The following CD1A variants were observed in gnomAD, a reference collection of about 807,000 sequenced individuals.
The protein encoded by CD1A is CD1a molecule.
CD1A carries 50 observed loss-of-function variants against 38.3 expected under a neutral mutation model. The observed-to-expected ratio is 1.30, with a 90% CI of 1.04 to 1.65. CD1A has a LOEUF of 1.65. CD1A is among the 40% of genes most tolerant of loss of function. The probability of loss-of-function intolerance (pLI) is 0.00; values close to 1 mark genes in which losing one functional copy is unlikely to be tolerated. For synonymous variants in CD1A, 160 were observed against 150.8 expected, an observed-to-expected ratio of 1.06 and a Z score of -0.45; for missense variants, 459 against 406.1, an observed-to-expected ratio of 1.13 and a Z score of -1.12.
At chr1:158,255,962 T>A in intron 2 of CD1A, 42 bp from the exon 3 acceptor site, 1 of 1,566,688 alleles carries the variant, frequency 6.4e-7, no homozygotes, top group Admixed American at 1.8e-5. Context: ...TCATTTCATT[T>A]TATATTTTTT....
chr1:158,251,917 C>T (rs1650097750), upstream of CD1A, among the ~76,000 whole-genome samples: 2 of 151,682 alleles, frequency 1.3e-5, no homozygotes, highest in African/African-American at 2.4e-5. Context: ...AGTGCAGTGG[C>T]GCGATCTCGG....
intron 4 of CD1A, 131 bp from the exon 5 acceptor site, chr1:158,257,290 A>G (rs1650293465): frequency 1.0e-6 from 1 of 964,548 alleles, no homozygotes; most frequent in African/African-American, 1.6e-5. Context: ...AGAAAAACAT[A>G]GAAAAAAAGG....
chr1:158,253,061 C>T (rs906525368), upstream of CD1A, among the ~76,000 whole-genome samples: 20 of 152,108 alleles, frequency 1.3e-4, no homozygotes, highest in African/African-American at 4.8e-4. Flanking sequence ...TATTCCACTG[C>T]ACTCCAGCCT....
In CD1A at chr1:158,257,450, T is replaced by C. The variant is rs1650299008; in HGVS notation, c.913T>C (p.Leu305=). The change falls in exon 5 of 6, where the codon TTG becomes CTG. Residue 305 remains leucine (L), a synonymous_variant. Coordinates refer to ENST00000289429, the MANE Select transcript of CD1A (RefSeq NM_001763.3). The part of the protein sequence containing the change: ...EHHSSVGFII[L]AVIVPLLLLI... ...TCACAGTTCCGTGGGCTTCATCATC[T>C]TGGCGGTGATAGTGCCTTTACTTCT... is the stretch of plus-strand genomic sequence containing the variant. 1 of 1,614,192 alleles carries C rather than the reference T, an allele frequency of 6.2e-7. No homozygotes were observed. The highest frequency in any genetic ancestry group is 8.5e-7 in the Non-Finnish European group (1 of 1,179,998).
chr1:158,255,180 T>C lies in CD1A; in HGVS notation c.155T>C (p.Leu52Ser). The C allele has an allele frequency of 6.2e-7, 1 of 1,614,202 alleles. No homozygotes were observed. The highest frequency in any genetic ancestry group is 8.5e-7 in the Non-Finnish European group (1 of 1,180,040). Residue 52 changes from leucine (L) to serine (S), a missense_variant, in exon 2 of 6, where the codon TTG becomes TCG. By Grantham distance (145) the Leu-to-Ser change is moderately radical (BLOSUM62 -2). Coordinates refer to ENST00000289429, the MANE Select transcript of CD1A (RefSeq NM_001763.3). ...CTGGTCTCAGGTTGGCTGAGTGATTTGCAGACTCATACCTGGGACAGCAAT... is the reference window on the plus strand; with the variant it reads ...CTGGTCTCAGGTTGGCTGAGTGATTCGCAGACTCATACCTGGGACAGCAAT... Reference protein sequence around the residue: ...QNLVSGWLSDLQTHTWDSNSS... With the variant: ...QNLVSGWLSDSQTHTWDSNSS...
chr1:158,257,765 C>T lies in CD1A; in HGVS notation c.*75C>T. On this transcript the variant is annotated 3_prime_UTR_variant, in exon 6 of 6. Transcript: ENST00000289429. The stretch of plus-strand genomic sequence containing the variant: ...CAGCAGCCCAAGGGCTCCAGACACA[C>T]CTGAACACATCGTGATGATGACGTC... The T allele has an allele frequency of 7.8e-7, 1 of 1,277,472 alleles. No homozygotes were observed. The allele number at this position is 1,277,472 out of a possible 1,614,324, so 79.1% of individuals were successfully genotyped here.
At position 158,255,328 on chromosome 1, in the gene CD1A, C is replaced by G. The variant is rs147750753; in HGVS notation, c.303C>G (p.Tyr101Ter). The change falls in exon 2 of 6, where the codon TAC becomes TAG. Residue 101 changes from tyrosine (Y) to a stop codon, truncating the protein, a stop_gained. Transcript: ENST00000289429. LOFTEE classifies it high-confidence loss of function. ...TIRSFEGIRR[Y>*]AHELQFEYPF... ...GGTCATTTGAGGGAATTCGTAGATA[C>G]GCCCATGAATTGCAGTTTGAATGTG... 4 of 1,613,912 alleles carry G rather than the reference C, an allele frequency of 2.5e-6. No homozygotes were observed. Among genetic ancestry groups the G allele is most frequent in the Non-Finnish European group, 3.4e-6 (4 of 1,179,932 alleles).
intron 1 of CD1A, 80 bp downstream of exon 1, chr1:158,254,807 G>A: frequency 1.2e-6 from 1 of 852,394 alleles, no homozygotes; most frequent in Non-Finnish European, 2.0e-6. Context: ...GTGTGTGTGT[G>A]TGTGTGTGTG....
At chr1:158,251,761 C>T (rs186865929), upstream of CD1A, among the ~76,000 whole-genome samples, 775 of 152,190 alleles carry the variant, frequency 5.1e-3, 6 homozygotes, top group African/African-American at 0.018. Context: ...GATGTTTTCT[C>T]GTTCTTTCCC....
At chr1:158,255,397 G>C in intron 2 of CD1A, 47 bp downstream of exon 2, 1 of 1,583,084 alleles carries the variant, frequency 6.3e-7, no homozygotes, top group Non-Finnish European at 8.6e-7. Flanking sequence ...GGAGAGAGGG[G>C]TTGTCTCAAT....
At position 158,257,309 on chromosome 1, in the gene CD1A, A is replaced by C. The variant is rs1028218010; in HGVS notation, c.884-112A>C. 7 of 978,196 alleles carry C rather than the reference A, an allele frequency of 7.2e-6. No individual in the cohort carries two copies. The Admixed American group carries it at 1.6e-4, about 22-fold the overall frequency. The allele number at this position is 978,196 out of a possible 1,614,324, so 60.6% of individuals were successfully genotyped here. ...AAACATAGAAAAAAAGGAGATTGGTAAGTTGGATACTCAAATGAAAAAAAG... is the reference window on the plus strand; with the variant it reads ...AAACATAGAAAAAAAGGAGATTGGTCAGTTGGATACTCAAATGAAAAAAAG... On this transcript the variant is annotated intron_variant, in intron 4 of 5. Transcript: ENST00000289429.
At position 158,255,343 on chromosome 1, in the gene CD1A, G is replaced by C; in HGVS notation, c.318G>C (p.Gln106His). The C allele has an allele frequency of 6.2e-7, 1 of 1,613,294 alleles. No homozygotes were observed. ...TTCGTAGATACGCCCATGAATTGCA[G>C]TTTGAATGTGAGTTCAGTTTTCTCC... ...EGIRRYAHEL[Q>H]FEYPFEIQVT... Residue 106 changes from glutamine to histidine, a missense_variant, in exon 2 of 6, where the codon CAG becomes CAC. Transcript: ENST00000289429.
chr1:158,250,483 A>G (rs2101626876), upstream of CD1A, among the ~76,000 whole-genome samples: 1 of 152,298 alleles, frequency 6.6e-6, no homozygotes, highest in South Asian at 2.1e-4. Context: ...TACACCGATT[A>G]ACTCACTATT....
At chr1:158,256,591 G>T (rs1650263068) in intron 3 of CD1A, among the ~76,000 whole-genome samples, 195 bp from the exon 4 acceptor site, 1 of 151,824 alleles carries the variant, frequency 6.6e-6, no homozygotes, top group South Asian at 2.1e-4. Flanking sequence ...GATCGCTTGA[G>T]CCTAACAGTT....
In CD1A at chr1:158,256,593, C is replaced by A. The variant is rs577001471; in HGVS notation, c.605-193C>A. Among the ~76,000 whole-genome samples, 12 of 151,992 alleles carry A rather than the reference C, an allele frequency of 7.9e-5. No individual in the cohort carries two copies. In the South Asian group the frequency reaches 2.5e-3, roughly 32 times the overall value. ...GCTGAGGCAGGAGGATCGCTTGAGCCTAACAGTTTGAGGTTACAGTGAGCT... is the reference window on the plus strand; with the variant it reads ...GCTGAGGCAGGAGGATCGCTTGAGCATAACAGTTTGAGGTTACAGTGAGCT... On this transcript the variant is annotated intron_variant, in intron 3 of 5. Coordinates refer to ENST00000289429, the MANE Select transcript of CD1A (RefSeq NM_001763.3).
In CD1A at chr1:158,257,698, C is replaced by G; in HGVS notation, c.*8C>G. The G allele has an allele frequency of 2.5e-6, 4 of 1,613,730 alleles. No individual in the cohort carries two copies. The highest frequency in any genetic ancestry group is 3.4e-6 in the Non-Finnish European group (4 of 1,179,624). ...TCATCCAGTTTCTGTTAAGACACAC[C>G]ATGAGCCTCCTCGTCACCCTTCTCC... On this transcript the variant is annotated 3_prime_UTR_variant, in exon 6 of 6. Transcript: ENST00000289429.
In CD1A at chr1:158,255,475, A is replaced by G. The variant is rs1571118844; in HGVS notation, c.325+125A>G. The G allele has an allele frequency of 5.7e-6, 6 of 1,052,396 alleles. No homozygotes were observed. In the East Asian group the frequency reaches 1.0e-4, roughly 18 times the overall value. 65.2% of individuals were successfully genotyped at this position (1,052,396 alleles called of 1,614,324 possible). Reference sequence around the variant, plus strand: ...CTTATTCTATTCTTTCCACCATAAAACTGCAATTGCATACTTTTGGGCAAG... The same window carrying G: ...CTTATTCTATTCTTTCCACCATAAAGCTGCAATTGCATACTTTTGGGCAAG... On this transcript the variant is annotated intron_variant, in intron 2 of 5. Transcript: ENST00000289429.
intron 1 of CD1A, 39 bp from the exon 2 acceptor site, chr1:158,255,045 A>C: frequency 6.2e-7 from 1 of 1,601,572 alleles, no homozygotes; most frequent in South Asian, 1.1e-5. Context: ...CCTCTTTCTC[A>C]ATGTCTTTCT....
upstream of CD1A, among the ~76,000 whole-genome samples, chr1:158,249,856 C>T (rs963067664): frequency 2.0e-5 from 3 of 152,186 alleles, no homozygotes; most frequent in Admixed American, 6.5e-5. Context: ...TGCTGGGTTC[C>T]CCTTGCTGGG....
Sources: gnomAD v4.1 joint callset for allele counts (sites outside exome capture counted in the v4.1 genomes callset) on GRCh38, gnomAD v4.1.1 for gene constraint, MANE v1.5 for transcripts, NCBI Gene and HGNC (gene_info 2026-07-23, HGNC 2026-07-21) for gene names.